FOXP2: variants seen among roughly 807,000 people sequenced by gnomAD.
The protein encoded by FOXP2 is forkhead box P2, also known as forkhead box protein P2.
A neutral mutation model predicts 115.8 loss-of-function variants in FOXP2; 12 were observed. The observed-to-expected ratio is 0.10, with a 90% CI of 0.07 to 0.17. FOXP2 has a LOEUF of 0.17. FOXP2 is among the 10% of genes least tolerant of loss of function. The pLI, the probability that FOXP2 is intolerant of heterozygous loss-of-function variation, is 1.00. For synonymous variants in FOXP2, 328 were observed against 297.7 expected (o/e 1.10, Z -1.05); for missense variants, 629 against 843.5 (o/e 0.75, Z 3.15).
chr7:114,306,434 G>A (rs1053000227), intron 2 of FOXP2, among the ~76,000 whole-genome samples: 1 of 152,200 alleles, frequency 6.6e-6, no homozygotes, highest in East Asian at 1.9e-4. Context: ...CCTGCTCTTT[G>A]TCCCAGATAT....
chr7:114,158,670 T>C (rs937406210), upstream of FOXP2, among the ~76,000 whole-genome samples: 7 of 152,162 alleles, frequency 4.6e-5, no homozygotes, highest in African/African-American at 1.4e-4. Context: ...ATCATATTAT[T>C]CTTTCTGGTG....
intron 1 of FOXP2, among the ~76,000 whole-genome samples, chr7:114,222,223 T>C (rs1794641522): frequency 6.6e-6 from 1 of 152,222 alleles, no homozygotes; most frequent in South Asian, 2.1e-4. Flanking sequence ...TGGTGCAATC[T>C]TGGCTCACTG....
intron 3 of FOXP2, among the ~76,000 whole-genome samples, chr7:114,588,645 C>T (rs1021854677): frequency 6.6e-6 from 1 of 152,054 alleles, no homozygotes; most frequent in Non-Finnish European, 1.5e-5. Context: ...GAGAGATATC[C>T]AAGCATATTG....
At chr7:114,391,198 A>T (rs917159228) in intron 2 of FOXP2, among the ~76,000 whole-genome samples, 1 of 152,056 alleles carries the variant, frequency 6.6e-6, no homozygotes, top group African/African-American at 2.4e-5. Context: ...AGGAAAAAAA[A>T]AAAAAATCTG....
At chr7:114,628,133 A>C (rs1232316112) in intron 3 of FOXP2, among the ~76,000 whole-genome samples, 1 of 152,002 alleles carries the variant, frequency 6.6e-6, no homozygotes, top group Non-Finnish European at 1.5e-5. Flanking sequence ...CCAATTTTTT[A>C]ATCTTTAATA....
intron 2 of FOXP2, among the ~76,000 whole-genome samples, chr7:114,352,725 C>T (rs538427484): frequency 2.8e-4 from 43 of 151,996 alleles, no homozygotes; most frequent in Non-Finnish European, 5.4e-4. Flanking sequence ...ACTTAATTGA[C>T]CCTATAAACA....
chr7:114,092,912 A>G (rs868813154), intron 1 of FOXP2, among the ~76,000 whole-genome samples: 17 of 152,184 alleles, frequency 1.1e-4, no homozygotes, highest in African/African-American at 3.9e-4. Context: ...CTATACATAT[A>G]GTTTGTACAG....
At chr7:114,387,425 A>G (rs1027954575) in intron 2 of FOXP2, among the ~76,000 whole-genome samples, 2 of 152,204 alleles carry the variant, frequency 1.3e-5, no homozygotes, top group African/African-American at 4.8e-5. Context: ...ACATGAGTCA[A>G]TTCTGACTTG....
intron 1 of FOXP2, among the ~76,000 whole-genome samples, chr7:114,110,356 C>G (rs1361841176): frequency 1.3e-5 from 2 of 152,102 alleles, no homozygotes; most frequent in Non-Finnish European, 2.9e-5. Context: ...TCAAAATTAA[C>G]CACAAGATGT....
chr7:114,111,226 T>C (rs886846169), intron 1 of FOXP2, among the ~76,000 whole-genome samples: 16 of 152,192 alleles, frequency 1.1e-4, no homozygotes, highest in African/African-American at 3.9e-4. Context: ...TCAGTGAATG[T>C]GGTGCAAGTG....
chr7:114,168,800 A>G (rs1481990341), intron 1 of FOXP2, among the ~76,000 whole-genome samples: 1 of 152,122 alleles, frequency 6.6e-6, no homozygotes, highest in East Asian at 1.9e-4. Flanking sequence ...AGGAGGAGAA[A>G]GTAGTTTTAT....
At chr7:114,207,658 C>A (rs1363124770) in intron 1 of FOXP2, among the ~76,000 whole-genome samples, 1 of 152,122 alleles carries the variant, frequency 6.6e-6, no homozygotes, top group African/African-American at 2.4e-5. Flanking sequence ...TTTCTTCCCA[C>A]AAATTGAATT....
At chr7:114,158,234 T>C (rs1217592566), upstream of FOXP2, among the ~76,000 whole-genome samples, 1 of 152,146 alleles carries the variant, frequency 6.6e-6, no homozygotes, top group African/African-American at 2.4e-5. Flanking sequence ...ACCAGACTTT[T>C]ATTTGGAAAA....
intron 1 of FOXP2, among the ~76,000 whole-genome samples, chr7:114,180,736 A>G (rs1344443903): frequency 6.6e-6 from 1 of 151,762 alleles, no homozygotes; most frequent in Non-Finnish European, 1.5e-5. Flanking sequence ...TAAAATGTTT[A>G]CTGGCCCCAT....
At chr7:114,398,476 C>A (rs1453473935) in intron 2 of FOXP2, among the ~76,000 whole-genome samples, 1 of 151,924 alleles carries the variant, frequency 6.6e-6, no homozygotes, top group Non-Finnish European at 1.5e-5. Context: ...TGAAAACATA[C>A]AAAAATATAA....
intron 1 of FOXP2, among the ~76,000 whole-genome samples, chr7:114,201,113 G>C (rs1471475790): frequency 3.3e-5 from 5 of 151,992 alleles, no homozygotes; most frequent in Non-Finnish European, 7.4e-5. Flanking sequence ...CCAAGATCGT[G>C]CCATTGTACT....
At chr7:114,437,657 T>C (rs1262384015) in intron 2 of FOXP2, among the ~76,000 whole-genome samples, 3 of 152,208 alleles carry the variant, frequency 2.0e-5, no homozygotes, top group Non-Finnish European at 2.9e-5. Flanking sequence ...TTACTAATAA[T>C]AAAAGGCTTT....
intron 6 of FOXP2, among the ~76,000 whole-genome samples, chr7:114,638,311 T>C (rs1165087047): frequency 6.6e-6 from 1 of 152,110 alleles, no homozygotes; most frequent in Admixed American, 6.6e-5. Context: ...TTACTACACA[T>C]CTCAGAACTA....
At chr7:114,336,517 A>G (rs1797857017) in intron 2 of FOXP2, among the ~76,000 whole-genome samples, 2 of 151,584 alleles carry the variant, frequency 1.3e-5, no homozygotes, top group South Asian at 4.1e-4. Context: ...ACATCTTATT[A>G]TAAAGACAAT....
Sources: allele counts gnomAD v4.1 joint callset (sites outside exome capture counted in the v4.1 genomes callset), GRCh38; gene constraint gnomAD v4.1.1; transcripts MANE v1.5; gene names NCBI Gene and HGNC (gene_info 2026-07-23, HGNC 2026-07-21).